Variants in SKAP2 observed in about 807,000 individuals in gnomAD.
SKAP2 encodes src kinase associated phosphoprotein 2.
A neutral mutation model predicts 54.9 loss-of-function variants in SKAP2; 28 were observed. The observed-to-expected ratio is 0.51, with a 90% CI of 0.38 to 0.70. SKAP2 has a LOEUF of 0.70. Among genes scored for constraint, SKAP2 ranks in the 30% least tolerant of loss-of-function variants. The pLI is 0.00. For missense variants in SKAP2, 356 were observed against 424.1 expected (o/e 0.84, Z 1.41); for synonymous variants, 137 against 134.3 (o/e 1.02, Z -0.14).
At chr7:26,719,349 T>C (rs1787529556) in intron 9 of SKAP2, among the ~76,000 whole-genome samples, 1 of 152,056 alleles carries the variant, frequency 6.6e-6, no homozygotes, top group South Asian at 2.1e-4. Context: ...GGGGCAGAGA[T>C]CATCTCAATC....
At chr7:26,725,681 G>A (rs1787690632) in intron 8 of SKAP2, 116 bp from the exon 9 acceptor site, 1 of 1,050,966 alleles carries the variant, frequency 9.5e-7, no homozygotes, top group African/African-American at 1.6e-5. Flanking sequence ...TATATGTTAT[G>A]TCCTTAACTA....
chr7:26,754,299 C>T (rs1223271295), intron 4 of SKAP2, among the ~76,000 whole-genome samples: 1 of 150,418 alleles, frequency 6.6e-6, no homozygotes, highest in African/African-American at 2.4e-5. Context: ...AGGAGGCAGA[C>T]GTTGCAGCAA....
At chr7:26,699,066 A>T (rs2127945293) in intron 9 of SKAP2, among the ~76,000 whole-genome samples, 1 of 152,326 alleles carries the variant, frequency 6.6e-6, no homozygotes, top group African/African-American at 2.4e-5. Flanking sequence ...AGCATGGGTA[A>T]AAGATCCATT....
chr7:26,806,290 C>T (rs140186381), intron 4 of SKAP2, among the ~76,000 whole-genome samples: 25 of 152,260 alleles, frequency 1.6e-4, no homozygotes, highest in Non-Finnish European at 3.1e-4. Context: ...GCTAGACTCA[C>T]TTTTGTAATC....
the SKAP2 span, among the ~76,000 whole-genome samples, chr7:26,657,869 T>G: frequency 2.2e-4 from 33 of 152,214 alleles, no homozygotes; most frequent in African/African-American, 7.9e-4. Flanking sequence ...TGTGCCTTTG[T>G]CATGATTTGG....
chr7:26,780,975 G>A (rs540314134), intron 4 of SKAP2, among the ~76,000 whole-genome samples: 127 of 152,146 alleles, frequency 8.3e-4, no homozygotes, highest in Middle Eastern at 3.4e-3. Context: ...AAATTTCAAA[G>A]TTTCACTTTC....
intron 2 of SKAP2, 86 bp from the exon 3 acceptor site, chr7:26,854,248 A>G (rs1352145958): frequency 1.0e-5 from 8 of 793,780 alleles, no homozygotes; most frequent in Non-Finnish European, 1.4e-5. Flanking sequence ...TCCAAAATCT[A>G]TATTAAAAAT....
chr7:26,757,133 T>G (rs1322262115), intron 4 of SKAP2, among the ~76,000 whole-genome samples: 1 of 152,210 alleles, frequency 6.6e-6, no homozygotes, highest in Non-Finnish European at 1.5e-5. Flanking sequence ...GCCTGTTCAC[T>G]CTGATGGTAG....
chr7:26,770,736 G>A (rs563301447), intron 4 of SKAP2, among the ~76,000 whole-genome samples: 14 of 152,212 alleles, frequency 9.2e-5, no homozygotes, highest in Admixed American at 1.3e-4. Context: ...GCACTTCCCC[G>A]GTGAGATGAT....
chr7:26,852,587 A>C (rs914655881), intron 3 of SKAP2, among the ~76,000 whole-genome samples: 1 of 152,172 alleles, frequency 6.6e-6, no homozygotes, highest in South Asian at 2.1e-4. Context: ...TCATTTTTCA[A>C]TTTCTATCAA....
At chr7:26,745,223 AG>A (rs1168202689) in intron 4 of SKAP2, among the ~76,000 whole-genome samples, 1 of 152,222 alleles carries the variant, frequency 6.6e-6, no homozygotes, top group Admixed American at 6.5e-5. Context: ...AAGAAAGGAA[AG>A]ATACTTTTTA....
At position 26,834,407 on chromosome 7, in the gene SKAP2, C is replaced by G. The variant is rs192967912; in HGVS notation, c.307+9623G>C. On this transcript the variant is annotated intron_variant, in intron 4 of 12. Coordinates refer to ENST00000345317, the MANE Select transcript of SKAP2 (RefSeq NM_003930.5). The stretch of plus-strand genomic sequence containing the variant: ...TTCAAAAAATCAATGAATTCAGGAG[C>G]TGGTGTTTTGAAAAGATCAAGAAAA... Among the ~76,000 whole-genome samples the G allele has an allele frequency of 1.1e-3, 173 of 152,168 alleles. 1 individual carries two copies. The highest frequency in any genetic ancestry group is 4.0e-3 in the African/African-American group (164 of 41,510).
chr7:26,676,874 C>A (rs1480124718), intron 11 of SKAP2, among the ~76,000 whole-genome samples: 3 of 152,106 alleles, frequency 2.0e-5, no homozygotes, highest in Admixed American at 2.0e-4. Context: ...GGCTGAGACT[C>A]CAGAAGGAAT....
chr7:26,794,925 T>C (rs768170125), intron 4 of SKAP2, among the ~76,000 whole-genome samples: 4 of 152,214 alleles, frequency 2.6e-5, no homozygotes, highest in Non-Finnish European at 5.9e-5. Flanking sequence ...AAGTTCCTAA[T>C]AAAACCCCAT....
In SKAP2 at chr7:26,682,536, G is replaced by A. The variant is rs212848; in HGVS notation, c.987+2200C>T. Among the ~76,000 whole-genome samples the A allele has an allele frequency of 3.2e-4, 48 of 152,226 alleles. 2 individuals carry two copies. In the Middle Eastern group the frequency reaches 0.01, roughly 32 times the overall value. ...CAGCCAAAGGTAATAACATGCTGGC[G>A]AACAGGGTCTTCTTTCTTGGCTCTT... On this transcript the variant is annotated intron_variant, in intron 11 of 12. Transcript: ENST00000345317.
At chr7:26,689,127 T>C (rs541565029) in intron 10 of SKAP2, among the ~76,000 whole-genome samples, 13 of 152,280 alleles carry the variant, frequency 8.5e-5, no homozygotes, top group Admixed American at 8.5e-4. Context: ...CCTTTCCACA[T>C]GTCACAGTAG....
chr7:26,808,572 A>C (rs1442226526), intron 4 of SKAP2, among the ~76,000 whole-genome samples: 2 of 152,184 alleles, frequency 1.3e-5, no homozygotes, highest in Non-Finnish European at 2.9e-5. Flanking sequence ...TTGTGAATAT[A>C]CTTAATGCCA....
intron 4 of SKAP2, among the ~76,000 whole-genome samples, chr7:26,751,640 C>G (rs1303869509): frequency 1.3e-5 from 2 of 152,164 alleles, no homozygotes; most frequent in Non-Finnish European, 2.9e-5. Flanking sequence ...TGCAATCTTT[C>G]TCCCCTCTCT....
chr7:26,744,755 A>C (rs557820112), intron 4 of SKAP2, among the ~76,000 whole-genome samples: 62 of 150,434 alleles, frequency 4.1e-4, no homozygotes, highest in African/African-American at 1.4e-3. Context: ...CACACACACA[A>C]ACACACACAC....
Sources: gnomAD v4.1 joint callset for allele counts (sites outside exome capture counted in the v4.1 genomes callset) on GRCh38, gnomAD v4.1.1 for gene constraint, MANE v1.5 for transcripts, NCBI Gene and HGNC (gene_info 2026-07-23, HGNC 2026-07-21) for gene names.